PDHX: variants seen among roughly 807,000 people sequenced by gnomAD.
The protein encoded by PDHX is pyruvate dehydrogenase protein X component, mitochondrial.
In PDHX, 33 loss-of-function variants were observed where a neutral mutation model predicts 55.3. The ratio of observed to expected loss-of-function variants is 0.60; its 90% CI spans 0.45 to 0.80. The LOEUF (loss-of-function observed/expected upper bound fraction) is 0.80. PDHX is among the 30% of genes least tolerant of loss of function. PDHX has a pLI of 0.00. For synonymous variants in PDHX, 226 were observed against 219.4 expected (o/e 1.03, Z -0.27); for missense variants, 622 against 619.9 (o/e 1.00, Z -0.04).
intron 2 of PDHX, among the ~76,000 whole-genome samples, chr11:34,942,895 G>A (rs1229770583): frequency 1.3e-5 from 2 of 151,436 alleles, no homozygotes; most frequent in East Asian, 1.9e-4. Flanking sequence ...TAACATATAT[G>A]TCTGTGTTAT....
intron 3 of PDHX, among the ~76,000 whole-genome samples, chr11:34,957,045 A>G (rs1353747986): frequency 6.6e-6 from 1 of 152,250 alleles, no homozygotes; most frequent in East Asian, 1.9e-4. Context: ...ATATGTAGCC[A>G]CAGGCTCCTG....
Position 34,918,746 on chromosome 11 carries a change from A to G in PDHX, c.160+1931A>G, listed in dbSNP as rs117126749. Among the ~76,000 whole-genome samples, 519 of 152,334 alleles carry G rather than the reference A, an allele frequency of 3.4e-3. 4 individuals carry two copies. The highest frequency in any genetic ancestry group is 5.7e-3 in the Admixed American group (87 of 15,306). On this transcript the variant is annotated intron_variant, in intron 1 of 10. Coordinates refer to ENST00000227868, the MANE Select transcript of PDHX (RefSeq NM_003477.3). The stretch of plus-strand genomic sequence containing the variant: ...TCCGAAGTCCAAAATGGATCTAACT[A>G]GGCTAAAATCAAGCTATTGGTAGGA...
At chr11:34,950,879 G>T (rs1020645004) in intron 3 of PDHX, among the ~76,000 whole-genome samples, 1 of 150,274 alleles carries the variant, frequency 6.7e-6, no homozygotes, top group African/African-American at 2.4e-5. Context: ...ATAGTCCTTT[G>T]GGTATATACC....
chr11:34,964,239 A>T (rs192169352), intron 5 of PDHX, among the ~76,000 whole-genome samples: 1 of 152,206 alleles, frequency 6.6e-6, no homozygotes, highest in Non-Finnish European at 1.5e-5. Context: ...CTGCCTCACA[A>T]AAAACTAAAT....
In PDHX at chr11:34,947,541, A is replaced by G; in HGVS notation, c.277A>G (p.Ile93Val). 6.2e-7 allele frequency: 1 copy of G among 1,613,634 alleles called. No homozygotes were observed. The highest frequency in any genetic ancestry group is 1.1e-5 in the South Asian group (1 of 91,072). The change falls in exon 3 of 11, where the codon ATT becomes GTT. Residue 93 changes from isoleucine to valine, a missense_variant. Coordinates refer to ENST00000227868, the MANE Select transcript of PDHX (RefSeq NM_003477.3). ...GAGTGCTGGAGATGCATTATGTGAA[A>G]TTGAGACTGACAAAGCTGTGGTTAC... is the stretch of plus-strand genomic sequence containing the variant. ...AVSAGDALCE[I>V]ETDKAVVTLD...
At chr11:34,936,802 T>TTTGTTTTG (rs1176041529) in intron 2 of PDHX, among the ~76,000 whole-genome samples, 27,172 of 128,220 alleles carry the variant, frequency 0.21, 3,326 homozygotes, top group Non-Finnish European at 0.32. Context: ...TTTTTTTTTT[T>TTTGTTTTG]TTTCTGAGAC....
intron 8 of PDHX, among the ~76,000 whole-genome samples, chr11:34,981,435 A>G (rs1855510890): frequency 6.6e-6 from 1 of 152,114 alleles, no homozygotes; most frequent in Non-Finnish European, 1.5e-5. Context: ...AGTCTTTGCT[A>G]TTGTGAATAG....
At chr11:34,992,510 A>G in intron 10 of PDHX, 131 bp downstream of exon 10, 1 of 604,160 alleles carries the variant, frequency 1.7e-6, no homozygotes, top group South Asian at 1.9e-5. Flanking sequence ...TTTAGACAAT[A>G]GAATATCTGA....
At chr11:34,983,483 T>G (rs1301436373) in intron 8 of PDHX, among the ~76,000 whole-genome samples, 1 of 152,204 alleles carries the variant, frequency 6.6e-6, no homozygotes, top group African/African-American at 2.4e-5. Flanking sequence ...GAAGTCAAAT[T>G]GTCCCTGTTT....
chr11:34,983,193 T>G (rs1855558315), intron 8 of PDHX, among the ~76,000 whole-genome samples: 3 of 152,198 alleles, frequency 2.0e-5, no homozygotes, highest in Admixed American at 2.0e-4. Context: ...TCTCAGTAGA[T>G]GCAGAAAAGG....
chr11:34,979,878 G>A (rs1483511188), intron 8 of PDHX, among the ~76,000 whole-genome samples: 2 of 151,432 alleles, frequency 1.3e-5, no homozygotes, highest in African/African-American at 2.4e-5. Context: ...AAATGAATTT[G>A]GATTATTTCT....
At chr11:34,974,820 A>G (rs1855332034) in intron 7 of PDHX, among the ~76,000 whole-genome samples, 1 of 152,152 alleles carries the variant, frequency 6.6e-6, no homozygotes, top group South Asian at 2.1e-4. Flanking sequence ...AGGTGGGAGG[A>G]TTGCTTGAGC....
intron 4 of PDHX, among the ~76,000 whole-genome samples, chr11:34,959,721 A>C (rs1322569196): frequency 1.3e-5 from 2 of 152,176 alleles, no homozygotes; most frequent in African/African-American, 2.4e-5. Flanking sequence ...AATGTGATTC[A>C]GCTTTTTAGG....
intron 9 of PDHX, among the ~76,000 whole-genome samples, chr11:34,987,766 T>C (rs558458200): frequency 1.4e-5 from 2 of 147,470 alleles, no homozygotes; most frequent in East Asian, 4.3e-4. Flanking sequence ...GTGTGTGTTC[T>C]TCACGTCCAA....
At chr11:34,960,254 T>C (rs948548194) in intron 4 of PDHX, among the ~76,000 whole-genome samples, 166 bp from the exon 5 acceptor site, 4 of 152,202 alleles carry the variant, frequency 2.6e-5, no homozygotes, top group Admixed American at 1.3e-4. Context: ...AAGAATAAAA[T>C]AAACCAAATT....
At chr11:34,943,948 A>G (rs1284455702) in intron 2 of PDHX, among the ~76,000 whole-genome samples, 3 of 151,972 alleles carry the variant, frequency 2.0e-5, no homozygotes, top group Admixed American at 6.6e-5. Context: ...TTACTTGTCA[A>G]TGGATATTAA....
chr11:34,975,067 T>C (rs1258854996), intron 7 of PDHX, among the ~76,000 whole-genome samples: 2 of 152,218 alleles, frequency 1.3e-5, no homozygotes, highest in African/African-American at 2.4e-5. Flanking sequence ...ATAGGGGTTT[T>C]GTTTCAGTTC....
chr11:34,957,289 A>T (rs755878878), intron 3 of PDHX, 95 bp from the exon 4 acceptor site: 2 of 882,656 alleles, frequency 2.3e-6, no homozygotes, highest in Non-Finnish European at 1.9e-6. Flanking sequence ...TCAAATTAAG[A>T]TATCTTAAGG....
intron 2 of PDHX, among the ~76,000 whole-genome samples, chr11:34,938,354 A>G (rs1414153002): frequency 1.3e-5 from 2 of 152,232 alleles, no homozygotes; most frequent in African/African-American, 2.4e-5. Context: ...TAAGAAAGAT[A>G]TGTGTAATGT....
Sources: gnomAD v4.1 joint callset for allele counts (sites outside exome capture counted in the v4.1 genomes callset) on GRCh38, gnomAD v4.1.1 for gene constraint, MANE v1.5 for transcripts, NCBI Gene and HGNC (gene_info 2026-07-23, HGNC 2026-07-21) for gene names.